CHRM3: variants seen among roughly 807,000 people sequenced by gnomAD.
The protein encoded by CHRM3 is muscarinic acetylcholine receptor M3.
CHRM3 carries 11 observed loss-of-function variants against 41.8 expected under a neutral mutation model. The ratio of observed to expected loss-of-function variants is 0.26; its 90% CI spans 0.17 to 0.44. CHRM3 has a LOEUF of 0.44. Among genes scored for constraint, CHRM3 ranks in the 20% least tolerant of loss-of-function variants. The pLI is 1.00. For synonymous variants in CHRM3, 297 were observed against 301.4 expected, an observed-to-expected ratio of 0.99 and a Z score of 0.15; for missense variants, 571 against 745.4, an observed-to-expected ratio of 0.77 and a Z score of 2.72.
chr1:239,766,196 A>G (rs1667192556), intron 5 of CHRM3, among the ~76,000 whole-genome samples: 1 of 152,156 alleles, frequency 6.6e-6, no homozygotes, highest in Non-Finnish European at 1.5e-5. Flanking sequence ...AAATAACTGA[A>G]GCCCCGAGGG....
At position 239,806,482 on chromosome 1, in the gene CHRM3, TG is replaced by T. The variant is rs765718026; in HGVS notation, c.-146-20767del. Among the ~76,000 whole-genome samples the T allele has an allele frequency of 3.9e-5, 6 of 151,946 alleles. No individual in the cohort carries two copies. The South Asian group carries it at 1.2e-3, about 32-fold the overall frequency. On this transcript the variant is annotated intron_variant, in intron 5 of 6. Transcript: ENST00000676153. ...CAGAGATTGTAATTGTTGAATCTAT[TG>T]GGAGCAGATGGGTGTGCTTAGGAAA...
Position 239,714,225 on chromosome 1 carries a change from A to G in CHRM3, c.-147+35937A>G, listed in dbSNP as rs1179919701. The stretch of plus-strand genomic sequence containing the variant: ...ATGAGCTCCTGAGTGTGCAGTGGTG[A>G]ACAAGAATGGAGAGCCTTGGCCCTC... On this transcript the variant is annotated intron_variant, in intron 5 of 6. Coordinates refer to ENST00000676153, the MANE Select transcript of CHRM3 (RefSeq NM_001375978.1). 4 of 152,288 alleles carry G rather than the reference A, an allele frequency of 2.6e-5. No homozygotes were observed. In the East Asian group the frequency reaches 7.7e-4, roughly 29 times the overall value. The allele number at this position is 152,288 out of a possible 1,614,324, so 9.4% of individuals were successfully genotyped here.
At chr1:239,613,940 A>G (rs1667340258) in intron 3 of CHRM3, among the ~76,000 whole-genome samples, 1 of 152,154 alleles carries the variant, frequency 6.6e-6, no homozygotes. Flanking sequence ...GGATTGCTTA[A>G]GGCCAAGAGT....
At chr1:239,721,706 C>T (rs190715995) in intron 5 of CHRM3, among the ~76,000 whole-genome samples, 73 of 151,856 alleles carry the variant, frequency 4.8e-4, no homozygotes, top group African/African-American at 1.7e-3. Flanking sequence ...CATGGAATAG[C>T]CAATAGGTAT....
chr1:239,452,754 A>C (rs1664643499), intron 1 of CHRM3, among the ~76,000 whole-genome samples: 1 of 152,094 alleles, frequency 6.6e-6, no homozygotes, highest in Non-Finnish European at 1.5e-5. Flanking sequence ...AAGATAAAAC[A>C]TACTCTTTCT....
intron 1 of CHRM3, among the ~76,000 whole-genome samples, chr1:239,475,627 G>C (rs2147967614): frequency 6.6e-6 from 1 of 152,098 alleles, no homozygotes; most frequent in South Asian, 2.1e-4. Flanking sequence ...TAAACATTGG[G>C]CTTTAGTTAA....
intron 6 of CHRM3, among the ~76,000 whole-genome samples, chr1:239,860,635 T>C (rs531437625): frequency 6.6e-6 from 1 of 152,208 alleles, no homozygotes; most frequent in Non-Finnish European, 1.5e-5. Flanking sequence ...TGTAATTTCA[T>C]GCAGTGTTTT....
rs17650222 is a variant in CHRM3 at position 239,696,787 on chromosome 1, G to A, written c.-147+18499G>A. Among the ~76,000 whole-genome samples the A allele has an allele frequency of 6.8e-3, 1,027 of 152,116 alleles. 10 individuals carry two copies. The highest frequency in any genetic ancestry group is 9.9e-3 in the Non-Finnish European group (674 of 68,010). The stretch of plus-strand genomic sequence containing the variant: ...TTTTTCTATTAACTGAATAATACAC[G>A]TTTGCTATAAAAGCTCAGAATATAC... On this transcript the variant is annotated intron_variant, in intron 5 of 6. Transcript: ENST00000676153.
intron 3 of CHRM3, among the ~76,000 whole-genome samples, chr1:239,609,130 A>T (rs908609045): frequency 1.3e-5 from 2 of 152,208 alleles, no homozygotes; most frequent in African/African-American, 4.8e-5. Flanking sequence ...AATCCTTTGT[A>T]ATCCCTCCCT....
intron 5 of CHRM3, among the ~76,000 whole-genome samples, chr1:239,743,814 G>A (rs1430010262): frequency 6.7e-5 from 7 of 103,908 alleles, no homozygotes; most frequent in Non-Finnish European, 9.3e-5. Flanking sequence ...TTTTTTTGAG[G>A]CAGGGTCTCA....
In CHRM3 at chr1:239,434,502, A is replaced by G. The variant is rs183194550; in HGVS notation, c.-521+47275A>G. Among the ~76,000 whole-genome samples, 4 of 152,210 alleles carry G rather than the reference A, an allele frequency of 2.6e-5. No individual in the cohort carries two copies. The East Asian group carries it at 5.8e-4, about 22-fold the overall frequency. ...AGAACACTGTGTGCGTGCCTCCTAT[A>G]ATTTACCACGTCTGTTTATATGATA... On this transcript the variant is annotated intron_variant, in intron 1 of 6. Coordinates refer to ENST00000676153, the MANE Select transcript of CHRM3 (RefSeq NM_001375978.1).
intron 4 of CHRM3, among the ~76,000 whole-genome samples, chr1:239,643,235 A>G (rs528939063): frequency 5.9e-5 from 9 of 152,150 alleles, no homozygotes; most frequent in African/African-American, 1.4e-4. Flanking sequence ...CCACTGGAGG[A>G]GGCAGTCTGC....
chr1:239,884,101 G>C (rs1264317398), intron 6 of CHRM3, among the ~76,000 whole-genome samples: 1 of 152,214 alleles, frequency 6.6e-6, no homozygotes, highest in Non-Finnish European at 1.5e-5. Flanking sequence ...TGGGTTGAAT[G>C]ATGGTCACCC....
chr1:239,413,447 A>C (rs554513688), intron 1 of CHRM3, among the ~76,000 whole-genome samples: 1 of 151,848 alleles, frequency 6.6e-6, no homozygotes, highest in South Asian at 2.1e-4. Flanking sequence ...CCGCCATTCC[A>C]CCCGGCTAAT....
chr1:239,847,929 AAAGAG>A (rs747109031), intron 6 of CHRM3, among the ~76,000 whole-genome samples: 13 of 151,396 alleles, frequency 8.6e-5, no homozygotes, highest in East Asian at 1.9e-4. Context: ...AGAAAAAAGA[AAAGAG>A]AAGAGAAGAG....
chr1:239,542,472 G>C (rs912573329), intron 2 of CHRM3, among the ~76,000 whole-genome samples: 1 of 152,128 alleles, frequency 6.6e-6, no homozygotes, highest in African/African-American at 2.4e-5. Flanking sequence ...TATTAGAAGA[G>C]GATGGAGAGA....
At chr1:239,447,036 T>C (rs1219235783) in intron 1 of CHRM3, among the ~76,000 whole-genome samples, 5 of 152,198 alleles carry the variant, frequency 3.3e-5, no homozygotes, top group Admixed American at 1.3e-4. Context: ...CTCTAAGCAA[T>C]TTTTGTTTCT....
chr1:239,516,766 G>A (rs1024952292), intron 2 of CHRM3, among the ~76,000 whole-genome samples: 8 of 152,188 alleles, frequency 5.3e-5, no homozygotes, highest in South Asian at 2.1e-4. Context: ...CGAGCGAAAC[G>A]TCTGTATTTA....
chr1:239,690,587 T>C (rs912087421), intron 5 of CHRM3, among the ~76,000 whole-genome samples: 1 of 151,918 alleles, frequency 6.6e-6, no homozygotes, highest in African/African-American at 2.4e-5. Flanking sequence ...AGGGGCTACA[T>C]TAACATAAAT....
Sources: allele counts gnomAD v4.1 joint callset (sites outside exome capture counted in the v4.1 genomes callset), GRCh38; gene constraint gnomAD v4.1.1; transcripts MANE v1.5; gene names NCBI Gene and HGNC (gene_info 2026-07-23, HGNC 2026-07-21).